GPD2: variants seen among roughly 807,000 people sequenced by gnomAD.
GPD2 encodes the protein glycerol-3-phosphate dehydrogenase 2.
A neutral mutation model predicts 82.4 loss-of-function variants in GPD2; 54 were observed. The ratio of observed to expected loss-of-function variants is 0.66; its 90% confidence interval spans 0.53 to 0.82. The LOEUF (loss-of-function observed/expected upper bound fraction) is 0.82. GPD2 is among the 40% of genes least tolerant of loss of function. The pLI, the probability that GPD2 is intolerant of heterozygous loss-of-function variation, is 0.00. For missense variants in GPD2, 748 were observed against 896.2 expected (o/e 0.83, Z 2.11); for synonymous variants, 288 against 306.1 (o/e 0.94, Z 0.62).
chr2:156,439,541 A>AAAAAAAAAAC (rs1682078649), intron 1 of GPD2, among the ~76,000 whole-genome samples: 1 of 35,560 alleles, frequency 2.8e-5, no homozygotes, highest in Non-Finnish European at 7.2e-5. Flanking sequence ...AAAAAAAAAC[A>AAAAAAAAAAC]AAAAAAAAAA....
chr2:156,546,858 G>A (rs899095043), intron 6 of GPD2, among the ~76,000 whole-genome samples: 1 of 152,100 alleles, frequency 6.6e-6, no homozygotes, highest in Admixed American at 6.5e-5. Flanking sequence ...ACTGAAGTCT[G>A]AAATTTCTTT....
At chr2:156,541,824 G>GTTTTTTTTTTTTTTTTTT (rs61067726) in intron 6 of GPD2, among the ~76,000 whole-genome samples, 2 of 81,468 alleles carry the variant, frequency 2.5e-5, no homozygotes, top group African/African-American at 4.9e-5. Flanking sequence ...AATGCTGTTT[G>GTTTTTTTTTTTTTTTTTT]TTTTTTTTTT....
intron 1 of GPD2, among the ~76,000 whole-genome samples, chr2:156,452,875 A>G (rs1265657891): frequency 6.6e-6 from 1 of 152,310 alleles, no homozygotes; most frequent in East Asian, 1.9e-4. Context: ...AGGACTGCAG[A>G]GAGAATGAGT....
At chr2:156,474,332 TAC>T (rs1683431695) in intron 1 of GPD2, among the ~76,000 whole-genome samples, 2 of 152,240 alleles carry the variant, frequency 1.3e-5, no homozygotes, top group African/African-American at 4.8e-5. Context: ...TGATAATAGA[TAC>T]AGTTTATTCA....
intron 3 of GPD2, among the ~76,000 whole-genome samples, chr2:156,498,070 A>G (rs1037484351): frequency 6.6e-6 from 1 of 152,204 alleles, no homozygotes; most frequent in African/African-American, 2.4e-5. Flanking sequence ...TATATCAAAG[A>G]GGATCATTTC....
chr2:156,550,463 A>T, intron 7 of GPD2, 139 bp from the exon 8 acceptor site: 1 of 849,980 alleles, frequency 1.2e-6, no homozygotes, highest in Middle Eastern at 3.3e-4. Context: ...CTCTTCAATA[A>T]CTTGAGCTGC....
chr2:156,488,137 ACT>A (rs1684014753), intron 2 of GPD2, among the ~76,000 whole-genome samples: 2 of 151,954 alleles, frequency 1.3e-5, no homozygotes, highest in African/African-American at 4.8e-5. Context: ...ACCATTGGCA[ACT>A]CTATCTACAG....
intron 1 of GPD2, among the ~76,000 whole-genome samples, chr2:156,451,877 C>G (rs1433241698): frequency 1.3e-5 from 2 of 149,960 alleles, no homozygotes; most frequent in Non-Finnish European, 3.0e-5. Context: ...ACTTCTCAGA[C>G]GGGGCGGCCG....
At chr2:156,520,107 A>G (rs1685344818) in intron 6 of GPD2, among the ~76,000 whole-genome samples, 1 of 152,252 alleles carries the variant, frequency 6.6e-6, no homozygotes, top group African/African-American at 2.4e-5. Context: ...CCTGTCTCCA[A>G]CCGTCCAGCT....
At chr2:156,543,595 A>T (rs1686411331) in intron 6 of GPD2, among the ~76,000 whole-genome samples, 1 of 152,256 alleles carries the variant, frequency 6.6e-6, no homozygotes, top group African/African-American at 2.4e-5. Context: ...CTGGAAACAC[A>T]GAAGAGGGAA....
At chr2:156,532,056 A>G (rs893416572) in intron 6 of GPD2, among the ~76,000 whole-genome samples, 1 of 152,168 alleles carries the variant, frequency 6.6e-6, no homozygotes, top group Non-Finnish European at 1.5e-5. Flanking sequence ...AGGCTGGAGT[A>G]CAGTGGAGTG....
intron 9 of GPD2, among the ~76,000 whole-genome samples, chr2:156,559,222 T>A (rs191166426): frequency 6.6e-6 from 1 of 152,306 alleles, no homozygotes; most frequent in Admixed American, 6.5e-5. Flanking sequence ...GTCCAAGATG[T>A]ATTCTCACTT....
intron 6 of GPD2, among the ~76,000 whole-genome samples, chr2:156,521,777 C>G (rs929966085): frequency 6.6e-6 from 1 of 152,160 alleles, no homozygotes; most frequent in African/African-American, 2.4e-5. Flanking sequence ...ACATTCCTTC[C>G]TCTTAGACAT....
chr2:156,472,118 A>AT (rs1289037501), intron 1 of GPD2, among the ~76,000 whole-genome samples: 3 of 152,324 alleles, frequency 2.0e-5, no homozygotes, highest in South Asian at 2.1e-4. Flanking sequence ...AGAAGTTAGT[A>AT]AAGATTTGTG....
intron 6 of GPD2, among the ~76,000 whole-genome samples, chr2:156,536,477 G>A (rs577065075): frequency 6.6e-6 from 1 of 152,336 alleles, no homozygotes; most frequent in East Asian, 1.9e-4. Flanking sequence ...CCTCAGCTAC[G>A]ATATTGATTG....
At chr2:156,525,965 C>T (rs1272365607) in intron 6 of GPD2, among the ~76,000 whole-genome samples, 1 of 152,150 alleles carries the variant, frequency 6.6e-6, no homozygotes, top group South Asian at 2.1e-4. Flanking sequence ...GTTCTTTTAA[C>T]GTATGTATGC....
intron 8 of GPD2, among the ~76,000 whole-genome samples, chr2:156,552,394 GAA>G (rs1686791268): frequency 6.6e-6 from 1 of 152,166 alleles, no homozygotes; most frequent in South Asian, 2.1e-4. Flanking sequence ...CGTATATAGA[GAA>G]GTTTTCAACA....
the GPD2 span, among the ~76,000 whole-genome samples, chr2:156,405,646 C>G: frequency 6.6e-6 from 1 of 152,110 alleles, no homozygotes; most frequent in Non-Finnish European, 1.5e-5. Flanking sequence ...CTGTAGTAGG[C>G]AGTGATTTCA....
intron 1 of GPD2, among the ~76,000 whole-genome samples, chr2:156,453,174 G>T (rs149169674): frequency 2.0e-5 from 3 of 152,302 alleles, no homozygotes; most frequent in African/African-American, 4.8e-5. Flanking sequence ...TTTGGGTGGA[G>T]ATGTGAAACA....
Sources: gnomAD v4.1 joint callset for allele counts (sites outside exome capture counted in the v4.1 genomes callset) on GRCh38, gnomAD v4.1.1 for gene constraint, MANE v1.5 for transcripts, NCBI Gene and HGNC (gene_info 2026-07-23, HGNC 2026-07-21) for gene names.